The following LRRC4C variants were observed in gnomAD, a reference collection of about 807,000 sequenced individuals.
LRRC4C encodes the protein leucine rich repeat containing 4C.
In LRRC4C, 5 loss-of-function variants were observed where a neutral mutation model predicts 33.6. That is an observed-to-expected ratio of 0.15 (90% CI 0.08 to 0.31). The LOEUF (loss-of-function observed/expected upper bound fraction) is 0.31, where lower values mean the gene tolerates loss of function less well. Ranked by LOEUF, LRRC4C falls within the 10% of genes least tolerant of loss-of-function variation. The pLI is 1.00. For synonymous variants in LRRC4C, 329 were observed against 302.0 expected (o/e 1.09, Z -0.93); for missense variants, 560 against 796.7 (o/e 0.70, Z 3.58).
intron 3 of LRRC4C, among the ~76,000 whole-genome samples, chr11:40,517,746 A>G (rs115593095): frequency 0.39 from 50,466 of 128,052 alleles, 9,963 homozygotes; most frequent in East Asian, 0.65. Context: ...ATTGGGGGGA[A>G]AAAAAAAAAA....
rs143642898 is a variant in LRRC4C, at chr11:41,357,559, A to G, written c.-496+101872T>C. Among the ~76,000 whole-genome samples the G allele has an allele frequency of 4.2e-3, 645 of 152,158 alleles. 3 individuals carry two copies. The highest frequency in any genetic ancestry group is 0.014 in the African/African-American group (569 of 41,540). On this transcript the variant is annotated intron_variant, in intron 1 of 6. Transcript: ENST00000528697. Reference sequence around the variant, plus strand: ...GATTCTGGGAGGGAAGAAGGACTGGATTTGCGTATTTTCTCTGTGGCCTAC... The same window carrying G: ...GATTCTGGGAGGGAAGAAGGACTGGGTTTGCGTATTTTCTCTGTGGCCTAC...
intron 1 of LRRC4C, among the ~76,000 whole-genome samples, chr11:40,936,065 T>G (rs10837529): frequency 5.3e-5 from 4 of 75,826 alleles, no homozygotes; most frequent in Non-Finnish European, 1.1e-4. Context: ...TATATATATA[T>G]AACATAGTTT....
chr11:40,944,194 G>C (rs1257883152), intron 1 of LRRC4C, among the ~76,000 whole-genome samples: 1 of 152,118 alleles, frequency 6.6e-6, no homozygotes, highest in African/African-American at 2.4e-5. Flanking sequence ...CCAATGAAGA[G>C]TTTAAGATTT....
intron 1 of LRRC4C, among the ~76,000 whole-genome samples, chr11:41,024,163 A>G (rs915382098): frequency 6.6e-6 from 1 of 151,612 alleles, no homozygotes; most frequent in African/African-American, 2.4e-5. Flanking sequence ...CTAGATATAG[A>G]TGTTAGTTTC....
At chr11:40,164,240 G>A (rs1005998011) in intron 5 of LRRC4C, among the ~76,000 whole-genome samples, 2 of 152,118 alleles carry the variant, frequency 1.3e-5, no homozygotes, top group African/African-American at 4.8e-5. Context: ...GCTCATCAAT[G>A]GATGAATGAA....
intron 3 of LRRC4C, among the ~76,000 whole-genome samples, chr11:40,639,502 C>T (rs765714321): frequency 6.6e-6 from 1 of 152,158 alleles, no homozygotes; most frequent in Non-Finnish European, 1.5e-5. Context: ...TTGGTTCTAC[C>T]TTGTTATTTT....
At chr11:40,664,544 C>CA (rs35543248) in intron 2 of LRRC4C, among the ~76,000 whole-genome samples, 79,473 of 149,848 alleles carry the variant, frequency 0.53, 22,220 homozygotes, top group East Asian at 0.71. Context: ...GACTCTGTCT[C>CA]AAAAAAAAAT....
At chr11:41,445,343 A>T (rs985061637) in intron 1 of LRRC4C, among the ~76,000 whole-genome samples, 4 of 152,170 alleles carry the variant, frequency 2.6e-5, no homozygotes, top group Non-Finnish European at 4.4e-5. Flanking sequence ...GAATGAAGGG[A>T]TCATAAAAGC....
At chr11:40,237,379 G>A (rs1158026676) in intron 5 of LRRC4C, among the ~76,000 whole-genome samples, 1 of 152,188 alleles carries the variant, frequency 6.6e-6, no homozygotes, top group Admixed American at 6.5e-5. Flanking sequence ...AGCATTAGAG[G>A]TCCAGAGTCT....
At chr11:40,174,008 A>G (rs931606201) in intron 5 of LRRC4C, among the ~76,000 whole-genome samples, 4 of 152,206 alleles carry the variant, frequency 2.6e-5, no homozygotes, top group Non-Finnish European at 4.4e-5. Flanking sequence ...CCAACCTTGT[A>G]TAAGTTACCT....
At chr11:41,314,243 C>G (rs183348100) in intron 1 of LRRC4C, among the ~76,000 whole-genome samples, 1 of 152,162 alleles carries the variant, frequency 6.6e-6, no homozygotes, top group Non-Finnish European at 1.5e-5. Flanking sequence ...ATTTTTAAAG[C>G]TGCCCTTGAA....
At chr11:40,893,826 C>A (rs200932106) in intron 2 of LRRC4C, among the ~76,000 whole-genome samples, 3 of 31,918 alleles carry the variant, frequency 9.4e-5, no homozygotes, top group East Asian at 3.4e-3. Context: ...ATAACACACA[C>A]ACACACACAC....
At chr11:41,365,725 C>G (rs557687295) in intron 1 of LRRC4C, among the ~76,000 whole-genome samples, 2 of 152,274 alleles carry the variant, frequency 1.3e-5, no homozygotes, top group African/African-American at 4.8e-5. Context: ...AGACACAGAA[C>G]AGCTAGCATT....
intron 1 of LRRC4C, among the ~76,000 whole-genome samples, chr11:41,278,325 C>T (rs892750707): frequency 6.6e-6 from 1 of 152,090 alleles, no homozygotes; most frequent in Non-Finnish European, 1.5e-5. Flanking sequence ...TTAAGTGAAA[C>T]AAACTATAAC....
At chr11:40,824,010 A>AGTGAATATTAGATGTATC (rs1952052394) in intron 2 of LRRC4C, among the ~76,000 whole-genome samples, 1 of 151,950 alleles carries the variant, frequency 6.6e-6, no homozygotes, top group Non-Finnish European at 1.5e-5. Flanking sequence ...CGGAACTCAA[A>AGTGAATATTAGATGTATC]AATATTATAT....
intron 5 of LRRC4C, among the ~76,000 whole-genome samples, chr11:40,164,333 C>T (rs143015656): frequency 2.4e-3 from 369 of 152,294 alleles, no homozygotes; most frequent in African/African-American, 6.5e-3. Context: ...CTCCACCTCA[C>T]GGGTTCAAGT....
intron 1 of LRRC4C, among the ~76,000 whole-genome samples, chr11:41,190,108 C>T (rs559063157): frequency 2.3e-4 from 35 of 152,118 alleles, no homozygotes; most frequent in Non-Finnish European, 5.0e-4. Context: ...TCATAACTTT[C>T]TGTGTGATAC....
intron 3 of LRRC4C, among the ~76,000 whole-genome samples, chr11:40,328,059 C>G (rs1007674435): frequency 6.6e-6 from 1 of 151,810 alleles, no homozygotes; most frequent in Admixed American, 6.6e-5. Context: ...ACAGACATTA[C>G]TAAAAGTGAA....
intron 3 of LRRC4C, among the ~76,000 whole-genome samples, chr11:40,329,737 CTTTTTTT>C (rs199598860): frequency 1.7e-5 from 2 of 120,426 alleles, no homozygotes; most frequent in East Asian, 2.4e-4. Context: ...CTTTCTTTTT[CTTTTTTT>C]TTTTTTTTTT....
Sources: gnomAD v4.1 joint callset for allele counts (sites outside exome capture counted in the v4.1 genomes callset) on GRCh38, gnomAD v4.1.1 for gene constraint, MANE v1.5 for transcripts, NCBI Gene and HGNC (gene_info 2026-07-23, HGNC 2026-07-21) for gene names.